The following SDK1 variants were observed in gnomAD, a reference collection of about 807,000 sequenced individuals.
The protein encoded by SDK1 is protein sidekick-1.
SDK1 carries 157 observed loss-of-function variants against 245.5 expected under a neutral mutation model. The observed-to-expected ratio is 0.64, with a 90% CI of 0.56 to 0.73. SDK1 has a LOEUF of 0.73. SDK1 is among the 30% of genes least tolerant of loss of function. SDK1 has a pLI of 0.00. For synonymous variants in SDK1, 1,647 were observed against 1,278.5 expected (o/e 1.29, Z -6.15); for missense variants, 3,583 against 3,002.3 (o/e 1.19, Z -4.52).
At chr7:3,337,074 A>G (rs1205674719) in intron 1 of SDK1, among the ~76,000 whole-genome samples, 1 of 152,230 alleles carries the variant, frequency 6.6e-6, no homozygotes, top group African/African-American at 2.4e-5. Context: ...AATATCACCT[A>G]TGAATGAGAA....
intron 17 of SDK1, among the ~76,000 whole-genome samples, chr7:4,025,181 G>A (rs1308507515): frequency 3.3e-5 from 5 of 152,156 alleles, no homozygotes; most frequent in Non-Finnish European, 5.9e-5. Flanking sequence ...CCCTATCCAC[G>A]AGTGTATTTG....
At chr7:3,788,716 C>G (rs1157681997) in intron 4 of SDK1, among the ~76,000 whole-genome samples, 2 of 152,282 alleles carry the variant, frequency 1.3e-5, no homozygotes, top group East Asian at 3.9e-4. Flanking sequence ...TTGTGTTGGG[C>G]TGTGTTCAAA....
At chr7:3,455,107 C>G (rs908169615) in intron 1 of SDK1, among the ~76,000 whole-genome samples, 3 of 150,566 alleles carry the variant, frequency 2.0e-5, no homozygotes, top group African/African-American at 2.4e-5. Context: ...GATATCTGTT[C>G]GTGTCATTTG....
intron 29 of SDK1, 77 bp from the exon 30 acceptor site, chr7:4,149,185 C>G (rs1780183467): frequency 1.6e-6 from 2 of 1,227,560 alleles, no homozygotes; most frequent in Admixed American, 6.4e-5. Flanking sequence ...CCCTGTACAG[C>G]AGCGTAGCCT....
At chr7:3,720,323 G>C (rs748277183) in intron 4 of SDK1, among the ~76,000 whole-genome samples, 13 of 151,914 alleles carry the variant, frequency 8.6e-5, no homozygotes, top group Admixed American at 5.2e-4. Flanking sequence ...TGTAAACCAC[G>C]TACCTGATGA....
chr7:3,851,883 A>G (rs1380795856), intron 5 of SDK1, among the ~76,000 whole-genome samples: 1 of 152,254 alleles, frequency 6.6e-6, no homozygotes, highest in Non-Finnish European at 1.5e-5. Context: ...AAAATGGTAT[A>G]TTCTCATACC....
rs34610558 is a variant in SDK1, at chr7:4,262,018, C to CTTTT, written c.6382-3080_6382-3077dup. The stretch of plus-strand genomic sequence containing the variant: ...AATCAATTTCACCCTCTGCTTTCTC[C>CTTTT]TTTTTTTTTTTTTTTTTTTTTTTTT... On this transcript the variant is annotated intron_variant, in intron 44 of 44. Coordinates refer to ENST00000404826, the MANE Select transcript of SDK1 (RefSeq NM_152744.4). 9.4e-4 allele frequency among the ~76,000 whole-genome samples: 56 copies of CTTTT among 59,260 alleles called. 5 individuals are homozygous for CTTTT. The highest frequency in any genetic ancestry group is 2.9e-3 in the African/African-American group (31 of 10,542). 38.9% of individuals were successfully genotyped at this position (59,260 alleles called of 152,430 possible).
intron 4 of SDK1, among the ~76,000 whole-genome samples, chr7:3,779,473 A>T (rs1404178279): frequency 6.6e-6 from 1 of 151,894 alleles, no homozygotes; most frequent in African/African-American, 2.4e-5. Flanking sequence ...AAAAAAAAAC[A>T]AGGACAAATT....
intron 29 of SDK1, among the ~76,000 whole-genome samples, chr7:4,148,195 G>A (rs190035838): frequency 5.3e-5 from 8 of 152,190 alleles, no homozygotes; most frequent in African/African-American, 1.4e-4. Context: ...GTGTGCTTAC[G>A]GAGGCAAGTG....
chr7:3,770,637 G>A (rs2114999646), intron 4 of SDK1, among the ~76,000 whole-genome samples: 1 of 152,270 alleles, frequency 6.6e-6, no homozygotes, highest in South Asian at 2.1e-4. Context: ...CCCTTGCTGT[G>A]GCTGCCCAGC....
chr7:3,795,966 A>C (rs1013942476), intron 4 of SDK1, among the ~76,000 whole-genome samples: 1 of 152,176 alleles, frequency 6.6e-6, no homozygotes, highest in African/African-American at 2.4e-5. Flanking sequence ...ACATCATGAG[A>C]GTGCTAAGAA....
chr7:4,068,121 G>C (rs1477543272), intron 20 of SDK1, among the ~76,000 whole-genome samples, 185 bp downstream of exon 20: 1 of 152,178 alleles, frequency 6.6e-6, no homozygotes, highest in Non-Finnish European at 1.5e-5. Flanking sequence ...GTGAGAGCCA[G>C]CCTGGTCTGG....
intron 22 of SDK1, among the ~76,000 whole-genome samples, chr7:4,106,772 C>G (rs1782951008): frequency 6.6e-6 from 1 of 152,108 alleles, no homozygotes. Context: ...CCGGGCCTTA[C>G]TGGTTCTCTT....
intron 1 of SDK1, among the ~76,000 whole-genome samples, chr7:3,576,425 G>C (rs1278243431): frequency 1.3e-5 from 2 of 152,046 alleles, no homozygotes; most frequent in Non-Finnish European, 2.9e-5. Context: ...TTCCTCAGGG[G>C]AGTCGCAGGT....
intron 1 of SDK1, among the ~76,000 whole-genome samples, chr7:3,401,692 T>A (rs6959134): frequency 0.16 from 24,693 of 151,994 alleles, 3,244 homozygotes; most frequent in African/African-American, 0.36. Flanking sequence ...GAGCCTTATT[T>A]TTTTTTTTTA....
At chr7:4,019,050 C>T (rs1381949790) in intron 17 of SDK1, among the ~76,000 whole-genome samples, 1 of 152,134 alleles carries the variant, frequency 6.6e-6, no homozygotes, top group Non-Finnish European at 1.5e-5. Context: ...AATGCAGTTT[C>T]GGCCCCACAA....
intron 1 of SDK1, among the ~76,000 whole-genome samples, chr7:3,328,592 G>A (rs1001133491): frequency 2.0e-5 from 3 of 151,950 alleles, no homozygotes; most frequent in African/African-American, 7.3e-5. Context: ...CCTAATCCTT[G>A]TACTCAAAGA....
chr7:3,484,198 A>G (rs1403858787), intron 1 of SDK1, among the ~76,000 whole-genome samples: 1 of 152,232 alleles, frequency 6.6e-6, no homozygotes, highest in Non-Finnish European at 1.5e-5. Flanking sequence ...ACCCACGGAT[A>G]CAAAATTTCA....
intron 36 of SDK1, among the ~76,000 whole-genome samples, chr7:4,206,951 G>C (rs918434656): frequency 2.6e-5 from 4 of 152,314 alleles, no homozygotes; most frequent in Non-Finnish European, 4.4e-5. Context: ...CTAATGGAGA[G>C]CCCCATGAGC....
Sources: gnomAD v4.1 joint callset for allele counts (sites outside exome capture counted in the v4.1 genomes callset) on GRCh38, gnomAD v4.1.1 for gene constraint, MANE v1.5 for transcripts, NCBI Gene and HGNC (gene_info 2026-07-23, HGNC 2026-07-21) for gene names.